JAKMIP1: variants seen among roughly 807,000 people sequenced by gnomAD.
JAKMIP1 encodes the protein janus kinase and microtubule interacting protein 1.
A neutral mutation model predicts 113.0 loss-of-function variants in JAKMIP1; 33 were observed. That is an observed-to-expected ratio of 0.29 (90% CI 0.22 to 0.39). The LOEUF is 0.39. Among genes scored for constraint, JAKMIP1 ranks in the 10% least tolerant of loss-of-function variants. The probability of loss-of-function intolerance (pLI) is 1.00; values close to 1 mark genes in which losing one functional copy is unlikely to be tolerated. For missense variants in JAKMIP1, 813 were observed against 1,080.5 expected, an observed-to-expected ratio of 0.75 and a Z score of 3.47; for synonymous variants, 480 against 459.9, an observed-to-expected ratio of 1.04 and a Z score of -0.56.
intron 12 of JAKMIP1, among the ~76,000 whole-genome samples, chr4:6,055,263 T>C (rs916831250): frequency 2.6e-5 from 4 of 152,144 alleles, no homozygotes; most frequent in Non-Finnish European, 4.4e-5. Context: ...GAGGGGGGAC[T>C]GCACATGGGC....
chr4:6,121,708 C>T (rs1278710843), intron 1 of JAKMIP1, among the ~76,000 whole-genome samples: 2 of 152,250 alleles, frequency 1.3e-5, no homozygotes, highest in East Asian at 1.9e-4. Context: ...TGTTCAAGAG[C>T]ATTAAACAGA....
chr4:6,195,562 A>T (rs949221384), intron 1 of JAKMIP1, among the ~76,000 whole-genome samples: 3 of 152,224 alleles, frequency 2.0e-5, no homozygotes, highest in Admixed American at 1.3e-4. Flanking sequence ...AGAAGCTAAT[A>T]AAAATATAAA....
intron 1 of JAKMIP1, among the ~76,000 whole-genome samples, chr4:6,133,930 C>T (rs1252520482): frequency 6.6e-6 from 1 of 152,200 alleles, no homozygotes; most frequent in Non-Finnish European, 1.5e-5. Flanking sequence ...ACGGAGGGGG[C>T]TGGATCCCTG....
intron 18 of JAKMIP1, among the ~76,000 whole-genome samples, chr4:6,039,864 ATT>A (rs1002591955): frequency 6.7e-6 from 1 of 148,480 alleles, no homozygotes; most frequent in Non-Finnish European, 1.5e-5. Context: ...TTTTAAAGTC[ATT>A]TTTTTTTTAG....
In JAKMIP1 at chr4:6,155,160, G is replaced by T. The variant is rs570522261; in HGVS notation, c.-147-42163C>A. Among the ~76,000 whole-genome samples the T allele has an allele frequency of 6.6e-6, 1 of 152,078 alleles. No homozygotes were observed. The highest frequency in any genetic ancestry group is 6.5e-5 in the Admixed American group (1 of 15,288). ...TGCAGTTGACTCTCCGCTATCAAAAGGCCTACACATGAATGCCTGGCTGGA... is the reference window on the plus strand; with the variant it reads ...TGCAGTTGACTCTCCGCTATCAAAATGCCTACACATGAATGCCTGGCTGGA... On this transcript the variant is annotated intron_variant, in intron 1 of 20. Transcript: ENST00000409021. This position sits in a 1 kb window ranked among gnomAD's most constrained non-coding sequence, Gnocchi z 6.1.
chr4:6,160,361 G>A (rs1466966792), intron 1 of JAKMIP1, among the ~76,000 whole-genome samples: 2 of 152,130 alleles, frequency 1.3e-5, no homozygotes, highest in East Asian at 1.9e-4. Context: ...ACTGGAAGAC[G>A]ATCCCATTTA....
At position 6,128,229 on chromosome 4, in the gene JAKMIP1, G is replaced by C. The variant is rs541474161; in HGVS notation, c.-147-15232C>G. ...TCGGGGTCTAGGGTCAGTTCTCTGA[G>C]TTGTCTGGGCCTCAGTTTCCCCATC... On this transcript the variant is annotated intron_variant, in intron 1 of 20. Transcript: ENST00000409021. Among the ~76,000 whole-genome samples the C allele has an allele frequency of 2.0e-5, 3 of 152,358 alleles. No individual in the cohort carries two copies. The East Asian group carries it at 5.8e-4, about 29-fold the overall frequency.
chr4:6,149,991 C>T (rs553718698), intron 1 of JAKMIP1, among the ~76,000 whole-genome samples: 12 of 152,276 alleles, frequency 7.9e-5, no homozygotes, highest in African/African-American at 2.6e-4. Flanking sequence ...ACGTCACCCG[C>T]CAATTCCAAA....
chr4:6,098,556 AAG>A (rs373521152), intron 3 of JAKMIP1, among the ~76,000 whole-genome samples: 12 of 4,910 alleles, frequency 2.4e-3, no homozygotes, highest in East Asian at 0.33. Context: ...AAAAGAAAGA[AAG>A]AAAGAAAGAA....
At chr4:6,041,847 A>G (rs1714354035) in intron 17 of JAKMIP1, among the ~76,000 whole-genome samples, 1 of 152,170 alleles carries the variant, frequency 6.6e-6, no homozygotes, top group South Asian at 2.1e-4. Context: ...TGAGCTCATG[A>G]ACGCATGACC....
chr4:6,132,555 T>C (rs6849491), intron 1 of JAKMIP1, among the ~76,000 whole-genome samples: 21,371 of 151,420 alleles, frequency 0.14, 1,751 homozygotes, highest in Middle Eastern at 0.27. Context: ...GGCAGGAGGA[T>C]CGCTTGAATC....
intron 1 of JAKMIP1, among the ~76,000 whole-genome samples, chr4:6,160,924 C>G (rs1029378279): frequency 1.3e-5 from 2 of 148,824 alleles, no homozygotes; most frequent in African/African-American, 2.5e-5. Context: ...GATCTCCACT[C>G]ACCTCCCCGA....
In JAKMIP1 at chr4:6,137,060, C is replaced by T. The variant is rs150637739; in HGVS notation, c.-147-24063G>A. On this transcript the variant is annotated intron_variant, in intron 1 of 20. Transcript: ENST00000409021. The surrounding 1 kb of genome is among the most constrained non-coding windows in gnomAD (Gnocchi z 4.5). Reference sequence around the variant, plus strand: ...CTGCACCAGTAATCAAACTCCTACACGGTGTCCCCTCCGATGTGCCCCCAC... The same window carrying T: ...CTGCACCAGTAATCAAACTCCTACATGGTGTCCCCTCCGATGTGCCCCCAC... 6.0e-4 allele frequency among the ~76,000 whole-genome samples: 91 copies of T among 152,284 alleles called. 3 individuals carry two copies. The highest frequency in any genetic ancestry group is 1.6e-3 in the African/African-American group (68 of 41,560).
chr4:6,102,607 T>G (rs1218940553), intron 3 of JAKMIP1, among the ~76,000 whole-genome samples: 4 of 152,064 alleles, frequency 2.6e-5, no homozygotes, highest in African/African-American at 9.7e-5. Context: ...TTACCCAGTC[T>G]GTGTTATTTT....
At chr4:6,147,103 G>A (rs760709686) in intron 1 of JAKMIP1, among the ~76,000 whole-genome samples, 41 of 152,054 alleles carry the variant, frequency 2.7e-4, no homozygotes, top group South Asian at 6.2e-4. Flanking sequence ...GGGATTACAG[G>A]AGCCAACCAC....
At chr4:6,034,835 G>A (rs991075834) in intron 19 of JAKMIP1, among the ~76,000 whole-genome samples, 4 of 152,150 alleles carry the variant, frequency 2.6e-5, no homozygotes, top group African/African-American at 9.7e-5. Flanking sequence ...AGATGTTTCT[G>A]TGGAGGTCTT....
chr4:6,045,777 C>T (rs1013017182), intron 16 of JAKMIP1, among the ~76,000 whole-genome samples: 7 of 152,028 alleles, frequency 4.6e-5, no homozygotes, highest in African/African-American at 9.7e-5. Context: ...GGCTGAAGCA[C>T]GAGAATCACT....
chr4:6,107,706 C>T (rs1714194056), intron 2 of JAKMIP1, among the ~76,000 whole-genome samples: 1 of 152,160 alleles, frequency 6.6e-6, no homozygotes, highest in Non-Finnish European at 1.5e-5. Context: ...GCCCCACAAC[C>T]GCATAAGCCG....
intron 12 of JAKMIP1, among the ~76,000 whole-genome samples, chr4:6,055,124 G>C (rs1356522286): frequency 6.6e-6 from 1 of 152,158 alleles, no homozygotes; most frequent in Non-Finnish European, 1.5e-5. Context: ...CCAGGGCCAG[G>C]CCAGGTTCCT....
Sources: allele counts gnomAD v4.1 joint callset (sites outside exome capture counted in the v4.1 genomes callset), GRCh38; gene constraint gnomAD v4.1.1; non-coding constraint Gnocchi (gnomAD v3.1); transcripts MANE v1.5; gene names NCBI Gene and HGNC (gene_info 2026-07-23, HGNC 2026-07-21).